The following BCHE variants were observed in gnomAD, a reference collection of about 807,000 sequenced individuals.
BCHE encodes cholinesterase.
Under a neutral mutation model 51.3 loss-of-function variants are expected in BCHE, and 48 were observed. The observed-to-expected ratio is 0.94, with a 90% CI of 0.74 to 1.19. BCHE has a LOEUF of 1.19. Among genes scored for constraint, BCHE ranks in the 50% most tolerant of loss-of-function variants. The pLI is 0.00. For missense variants in BCHE, 847 were observed against 708.2 expected (o/e 1.20, Z -2.23); for synonymous variants, 251 against 238.0 (o/e 1.05, Z -0.50).
At chr3:165,791,853 C>A (rs1019769950) in intron 2 of BCHE, among the ~76,000 whole-genome samples, 2 of 152,030 alleles carry the variant, frequency 1.3e-5, no homozygotes, top group Non-Finnish European at 2.9e-5. Flanking sequence ...GAGGCTGAGG[C>A]AGGAGAATGG....
rs1411037663 is a variant in BCHE, at chr3:165,807,534, ATTTATTTATTTATT to A, written c.1518-21237_1518-21224del. ...TATTATGAGATTTATTTATTTATTT[ATTTATTTATTTATT>A]TTTATTTATTTATTTATTTTTCAGA... On this transcript the variant is annotated intron_variant, in intron 2 of 3. Coordinates refer to ENST00000264381, the MANE Select transcript of BCHE (RefSeq NM_000055.4). Among the ~76,000 whole-genome samples the A allele has an allele frequency of 6.0e-5, 9 of 151,176 alleles. No homozygotes were observed. The East Asian group carries it at 7.8e-4, about 13-fold the overall frequency.
At chr3:165,823,514 T>C (rs940784272) in intron 2 of BCHE, among the ~76,000 whole-genome samples, 1 of 152,052 alleles carries the variant, frequency 6.6e-6, no homozygotes, top group Non-Finnish European at 1.5e-5. Context: ...GGAATGCCAA[T>C]TGATAATGGA....
intron 3 of BCHE, among the ~76,000 whole-genome samples, chr3:165,777,058 A>T (rs1035402656): frequency 6.6e-6 from 1 of 151,942 alleles, no homozygotes; most frequent in African/African-American, 2.4e-5. Flanking sequence ...TATAGCAGGC[A>T]TGGTAAAAAT....
rs1714958687 is a variant in BCHE, at chr3:165,831,044, G to A, written c.-8-3C>T. 1.2e-6 allele frequency: 2 copies of A among 1,603,972 alleles called. No individual in the cohort carries two copies. Among genetic ancestry groups the A allele is most frequent in the African/African-American group, 1.3e-5 (1 of 74,716 alleles). Reference sequence around the variant, plus strand: ...GACTTTGCTATGCATATTGATTTCTGAAAGAGAGGTAAGTATAATGTTTTA... The same window carrying A: ...GACTTTGCTATGCATATTGATTTCTAAAAGAGAGGTAAGTATAATGTTTTA... On this transcript the variant is annotated splice_polypyrimidine_tract_variant and splice_region_variant and intron_variant, in intron 1 of 3. Transcript: ENST00000264381.
chr3:165,836,780 T>G (rs1715205550), intron 1 of BCHE, among the ~76,000 whole-genome samples: 1 of 152,120 alleles, frequency 6.6e-6, no homozygotes, highest in African/African-American at 2.4e-5. Flanking sequence ...TTGTTTTTAT[T>G]TACATAAAAT....
intron 2 of BCHE, among the ~76,000 whole-genome samples, chr3:165,787,670 G>T (rs919122848): frequency 6.6e-6 from 1 of 151,788 alleles, no homozygotes; most frequent in Non-Finnish European, 1.5e-5. Context: ...AAATAATGAC[G>T]AAAAAACTAG....
chr3:165,799,532 G>C (rs771532059), intron 2 of BCHE, among the ~76,000 whole-genome samples: 25 of 152,208 alleles, frequency 1.6e-4, no homozygotes, highest in Middle Eastern at 3.4e-3. Context: ...TATAGGGAAA[G>C]TAAGATGAAA....
At chr3:165,828,236 G>T (rs547858331) in intron 2 of BCHE, among the ~76,000 whole-genome samples, 1 of 152,222 alleles carries the variant, frequency 6.6e-6, no homozygotes, top group African/African-American at 2.4e-5. Flanking sequence ...AAAGAGGTAG[G>T]TGTTCTAAAC....
At position 165,830,423 on chromosome 3, in the gene BCHE, TGAA is replaced by T; in HGVS notation, c.608_610del (p.Leu203del). 1 of 1,613,912 alleles carries T rather than the reference TGAA, an allele frequency of 6.2e-7. No individual in the cohort carries two copies. The highest frequency in any genetic ancestry group is 8.5e-7 in the Non-Finnish European group (1 of 1,179,910). ...GGCTGCTATATTTTTTTGAACCCAC[TGAA>T]GAGCCAACTGTTGATCAAATAAACC... On this transcript the variant is annotated inframe_deletion, in exon 2 of 4. Coordinates refer to ENST00000264381, the MANE Select transcript of BCHE (RefSeq NM_000055.4).
At chr3:165,816,150 T>C (rs1714306782) in intron 2 of BCHE, among the ~76,000 whole-genome samples, 1 of 151,776 alleles carries the variant, frequency 6.6e-6, no homozygotes, top group Non-Finnish European at 1.5e-5. Context: ...TCAGAATATC[T>C]AGGATGTTGT....
At chr3:165,817,465 G>T (rs1045675079) in intron 2 of BCHE, among the ~76,000 whole-genome samples, 1 of 151,928 alleles carries the variant, frequency 6.6e-6, no homozygotes, top group African/African-American at 2.4e-5. Context: ...CATATATCTT[G>T]GCTCTTTGTA....
At chr3:165,788,680 T>A (rs182677330) in intron 2 of BCHE, among the ~76,000 whole-genome samples, 32 of 152,280 alleles carry the variant, frequency 2.1e-4, no homozygotes, top group African/African-American at 7.2e-4. Context: ...CCATTTTAAC[T>A]GCGCATTCAT....
chr3:165,810,836 C>T (rs952041531), intron 2 of BCHE, among the ~76,000 whole-genome samples: 1 of 152,030 alleles, frequency 6.6e-6, no homozygotes, highest in African/African-American at 2.4e-5. Context: ...TGGTGTGGTG[C>T]TTTCATCTCA....
At chr3:165,790,188 G>A (rs1713114936) in intron 2 of BCHE, among the ~76,000 whole-genome samples, 1 of 152,076 alleles carries the variant, frequency 6.6e-6, no homozygotes. Flanking sequence ...ATATCATACT[G>A]ACCTCCATGG....
rs1560022808 is a variant in BCHE at position 165,829,941 on chromosome 3, A to G, written c.1093T>C (p.Phe365Leu). Reference sequence around the variant, plus strand: ...ATGATACTATTGTTATCTTTGCTGAAGCCAGGAGCACCATAGACTAAAAAA... The same window carrying G: ...ATGATACTATTGTTATCTTTGCTGAGGCCAGGAGCACCATAGACTAAAAAA... The part of the protein sequence containing the change: ...TAFLVYGAPG[F>L]SKDNNSIITR... Residue 365 changes from phenylalanine to leucine, a missense_variant, in exon 2 of 4, where the codon TTC becomes CTC. Phe to Leu is a conservative substitution (Grantham distance 22). Coordinates refer to ENST00000264381, the MANE Select transcript of BCHE (RefSeq NM_000055.4). 23 of 1,613,660 alleles carry G rather than the reference A, an allele frequency of 1.4e-5. No homozygotes were observed. In the East Asian group the frequency reaches 5.1e-4, roughly 36 times the overall value.
intron 2 of BCHE, among the ~76,000 whole-genome samples, chr3:165,814,003 A>T (rs1191585556): frequency 1.3e-5 from 2 of 152,022 alleles, no homozygotes; most frequent in Non-Finnish European, 2.9e-5. Flanking sequence ...GAAATACAGT[A>T]ATTTTTCGTA....
chr3:165,799,494 T>C (rs958913819), intron 2 of BCHE, among the ~76,000 whole-genome samples: 4 of 152,138 alleles, frequency 2.6e-5, no homozygotes, highest in Non-Finnish European at 4.4e-5. Flanking sequence ...TTTAATTTTA[T>C]TTGTATATCT....
intron 3 of BCHE, among the ~76,000 whole-genome samples, chr3:165,774,281 T>TA (rs1295041712): frequency 6.6e-6 from 1 of 152,126 alleles, no homozygotes; most frequent in Admixed American, 6.6e-5. Context: ...GATAACTTTT[T>TA]AATTATCATT....
At chr3:165,792,802 T>C (rs946804451) in intron 2 of BCHE, among the ~76,000 whole-genome samples, 3 of 152,218 alleles carry the variant, frequency 2.0e-5, no homozygotes, top group Non-Finnish European at 4.4e-5. Context: ...TGTATGTATG[T>C]GTATTGCAAT....
Sources: gnomAD v4.1 joint callset for allele counts (sites outside exome capture counted in the v4.1 genomes callset) on GRCh38, gnomAD v4.1.1 for gene constraint, MANE v1.5 for transcripts, NCBI Gene and HGNC (gene_info 2026-07-23, HGNC 2026-07-21) for gene names.